The following ARHGAP8 variants were observed in gnomAD, a reference collection of about 807,000 sequenced individuals.
The protein encoded by ARHGAP8 is Rho GTPase activating protein 8.
Under a neutral mutation model 46.1 loss-of-function variants are expected in ARHGAP8, and 62 were observed. The ratio of observed to expected loss-of-function variants is 1.34; its 90% CI spans 1.10 to 1.66. The LOEUF (loss-of-function observed/expected upper bound fraction) is 1.66. Among genes scored for constraint, ARHGAP8 ranks in the 40% most tolerant of loss-of-function variants. The probability of loss-of-function intolerance (pLI) is 0.00; values close to 1 mark genes in which losing one functional copy is unlikely to be tolerated. For missense variants in ARHGAP8, 923 were observed against 568.4 expected, an observed-to-expected ratio of 1.62 and a Z score of -6.34; for synonymous variants, 375 against 243.1, an observed-to-expected ratio of 1.54 and a Z score of -5.05.
rs1183457228 is a variant in ARHGAP8, at chr22:44,816,803, C to CAAAAAAAA, written c.386+2059_386+2066dup. On this transcript the variant is annotated intron_variant, in intron 5 of 11. Transcript: ENST00000356099. ...CTGGGCAACAAGCAAGACCCTGTCT[C>CAAAAAAAA]AAAAAAAAAAAAAAAAAAAAAGAAC... Among the ~76,000 whole-genome samples the CAAAAAAAA allele has an allele frequency of 3.6e-3, 237 of 66,202 alleles. 3 individuals carry two copies. Among genetic ancestry groups the CAAAAAAAA allele is most frequent in the African/African-American group, 0.012 (216 of 18,484 alleles). 43.4% of individuals were successfully genotyped at this position (66,202 alleles called of 152,430 possible). A position where few individuals can be genotyped will look rare whatever the true frequency, so the allele number is the denominator to read the frequency against.
intron 4 of ARHGAP8, among the ~76,000 whole-genome samples, chr22:44,813,160 C>T (rs543673477): frequency 1.1e-4 from 16 of 152,180 alleles, no homozygotes; most frequent in African/African-American, 3.9e-4. Context: ...TCTGGACAAG[C>T]GGAGTGCTTG....
At chr22:44,813,997 G>C (rs1160447107) in intron 4 of ARHGAP8, among the ~76,000 whole-genome samples, 1 of 152,164 alleles carries the variant, frequency 6.6e-6, no homozygotes, top group Non-Finnish European at 1.5e-5. Context: ...CCTGGGCTGT[G>C]TCTCCCCAGC....
chr22:44,849,325 C>A (rs960797209), intron 10 of ARHGAP8: 1 of 508,510 alleles, frequency 2.0e-6, no homozygotes, highest in Admixed American at 3.5e-5. Flanking sequence ...GGCCAGGAGG[C>A]AGGGTGATGG....
At chr22:44,783,894 T>C (rs1927028742) in intron 1 of ARHGAP8, among the ~76,000 whole-genome samples, 1 of 152,086 alleles carries the variant, frequency 6.6e-6, no homozygotes, top group South Asian at 2.1e-4. Context: ...CCTCCACCCA[T>C]GGTCATGGCT....
intron 10 of ARHGAP8, chr22:44,849,316 G>A: frequency 3.6e-6 from 2 of 548,696 alleles, no homozygotes; most frequent in Non-Finnish European, 3.1e-6. Context: ...GCACAGCTGG[G>A]CCAGGAGGCA....
chr22:44,771,933 G>A (rs755196160), intron 1 of ARHGAP8, among the ~76,000 whole-genome samples: 2 of 152,140 alleles, frequency 1.3e-5, no homozygotes, highest in African/African-American at 4.8e-5. Context: ...GGGACCTCCA[G>A]TATACTGTCA....
chr22:44,862,148 G>A (rs1472429603), intron 11 of ARHGAP8, 127 bp from the exon 12 acceptor site: 3 of 1,170,418 alleles, frequency 2.6e-6, no homozygotes, highest in Non-Finnish European at 3.4e-6. Context: ...CCCCATTACT[G>A]GCTGCCGGCT....
rs368897846 is a variant in ARHGAP8 at position 44,825,510 on chromosome 22, C to T, written c.513C>T (p.His171=). The change falls in exon 7 of 12, where the codon CAC becomes CAT. Residue 171 remains histidine (H), a synonymous_variant. Transcript: ENST00000356099. ...LRYDEKLQSL[H]EGRTPPPTKT... ...ACGATGAGAAGCTCCAGAGCCTGCA[C>T]GAGGGCCGGACGCCGCCTCCCACCA... 6.9e-5 allele frequency: 111 copies of T among 1,613,264 alleles called. No homozygotes were observed. Among genetic ancestry groups the T allele is most frequent in the Non-Finnish European group, 8.9e-5 (105 of 1,179,834 alleles).
At position 44,847,987 on chromosome 22, in the gene ARHGAP8, G is replaced by T; in HGVS notation, c.685G>T (p.Gly229Cys). Reference sequence around the variant, plus strand: ...CTCTCCTGCAGGCCTGCGCACCGAGGGCCTGTTCCGGAGATCCGCCAGCGT... The same window carrying T: ...CTCTCCTGCAGGCCTGCGCACCGAGTGCCTGTTCCGGAGATCCGCCAGCGT... ...YLREKGLRTE[G>C]LFRRSASVQT... is the part of the protein sequence containing the mutation. The change falls in exon 9 of 12, where the codon GGC (glycine) becomes TGC (cysteine). Residue 229 changes from glycine (G) to cysteine (C), a missense_variant. By Grantham distance (159) the Gly-to-Cys change is radical. Transcript: ENST00000356099. The T allele has an allele frequency of 6.2e-7, 1 of 1,607,894 alleles. No individual in the cohort carries two copies.
rs183661007 is a variant in ARHGAP8, at chr22:44,862,261, G to A, written c.982-14G>A. Reference sequence around the variant, plus strand: ...GGTGTTCACTCCCCTTTACTTGTGTGTGGTTTCCTCCAGGTGTCCCGGGAG... The same window carrying A: ...GGTGTTCACTCCCCTTTACTTGTGTATGGTTTCCTCCAGGTGTCCCGGGAG... On this transcript the variant is annotated splice_polypyrimidine_tract_variant and intron_variant, in intron 11 of 11. Transcript: ENST00000356099. 333 of 1,577,410 alleles carry A rather than the reference G, an allele frequency of 2.1e-4. No individual in the cohort carries two copies. In the African/African-American group the frequency reaches 4.2e-3, roughly 20 times the overall value.
At position 44,838,425 on chromosome 22, in the gene ARHGAP8, C is replaced by T. The variant is rs139461265; in HGVS notation, c.597-6844C>T. 4.3e-3 allele frequency among the ~76,000 whole-genome samples: 652 copies of T among 152,224 alleles called. 5 individuals carry two copies. Among genetic ancestry groups the T allele is most frequent in the African/African-American group, 0.015 (611 of 41,532 alleles). On this transcript the variant is annotated intron_variant, in intron 7 of 11. Transcript: ENST00000356099. ...TGCTGGGACTACAGGCGTGAGCCAC[C>T]GTACCCGGCCTTAATTTTTGCATTT... is the stretch of plus-strand genomic sequence containing the variant.
intron 1 of ARHGAP8, among the ~76,000 whole-genome samples, chr22:44,759,889 C>G (rs1029656507): frequency 6.6e-6 from 1 of 152,216 alleles, no homozygotes; most frequent in East Asian, 1.9e-4. Context: ...AGTTGCGCAC[C>G]CGAATGATCA....
In ARHGAP8 at chr22:44,814,749, C is replaced by T. The variant is rs1054349298; in HGVS notation, c.377C>T (p.Pro126Leu). Residue 126 changes from proline to leucine, a missense_variant, in exon 5 of 12, where the codon CCC (proline) becomes CTC (leucine). By Grantham distance (98) the Pro-to-Leu change is moderately conservative (BLOSUM62 -3). Transcript: ENST00000356099. ...FIKVLWNILK[P>L]LISHKFGKKV... ...AAGGTCCTGTGGAACATCTTGAAGC[C>T]CCTCATCAGGTATGCGTCACTCTGG... 7 of 1,613,768 alleles carry T rather than the reference C, an allele frequency of 4.3e-6. No homozygotes were observed. The highest frequency in any genetic ancestry group is 2.2e-5 in the East Asian group (1 of 44,870).
intron 1 of ARHGAP8, among the ~76,000 whole-genome samples, chr22:44,755,212 C>T (rs1256796418): frequency 1.3e-5 from 2 of 152,192 alleles, no homozygotes; most frequent in African/African-American, 2.4e-5. Context: ...TGGAAGCCAG[C>T]GGTGCTGCAG....
intron 7 of ARHGAP8, among the ~76,000 whole-genome samples, chr22:44,827,335 G>GGTTTTTTT (rs1569165901): frequency 1.7e-4 from 7 of 41,716 alleles, no homozygotes; most frequent in African/African-American, 6.6e-4. Context: ...TTTGGGTGGT[G>GGTTTTTTT]GTTTTTTTTT....
intron 1 of ARHGAP8, among the ~76,000 whole-genome samples, chr22:44,785,110 CT>C (rs1377636735): frequency 6.6e-6 from 1 of 152,208 alleles, no homozygotes; most frequent in Non-Finnish European, 1.5e-5. Flanking sequence ...CCGCCTCACG[CT>C]CCCTCCTCGA....
chr22:44,791,460 T>C (rs575017721), intron 2 of ARHGAP8, among the ~76,000 whole-genome samples: 1 of 152,094 alleles, frequency 6.6e-6, no homozygotes, highest in Non-Finnish European at 1.5e-5. Flanking sequence ...TCCCAGCACT[T>C]TGGGGGGATG....
At chr22:44,822,179 G>T (rs1045154642) in intron 5 of ARHGAP8, among the ~76,000 whole-genome samples, 192 bp from the exon 6 acceptor site, 1 of 152,164 alleles carries the variant, frequency 6.6e-6, no homozygotes, top group Non-Finnish European at 1.5e-5. Context: ...TGGAGATCTC[G>T]TGAAAGCAAA....
chr22:44,760,940 T>C (rs1925082096), intron 1 of ARHGAP8, among the ~76,000 whole-genome samples: 1 of 152,260 alleles, frequency 6.6e-6, no homozygotes, highest in African/African-American at 2.4e-5. Flanking sequence ...AGTTGAGGCA[T>C]GTGCGGACTC....
Sources: gnomAD v4.1 joint callset for allele counts (sites outside exome capture counted in the v4.1 genomes callset) on GRCh38, gnomAD v4.1.1 for gene constraint, MANE v1.5 for transcripts, NCBI Gene and HGNC (gene_info 2026-07-23, HGNC 2026-07-21) for gene names.